Variants in SLC18A1 observed in about 807,000 individuals in gnomAD.
SLC18A1 encodes chromaffin granule amine transporter.
In SLC18A1, 69 loss-of-function variants were observed where a neutral mutation model predicts 53.7. That is an observed-to-expected ratio of 1.28 (90% confidence interval 1.06 to 1.57). The LOEUF is 1.57. SLC18A1 is among the 40% of genes most tolerant of loss of function. The probability of loss-of-function intolerance (pLI) is 0.00; values close to 1 mark genes in which losing one functional copy is unlikely to be tolerated. For missense variants in SLC18A1, 932 were observed against 668.1 expected, an observed-to-expected ratio of 1.40 and a Z score of -4.35; for synonymous variants, 320 against 248.1, an observed-to-expected ratio of 1.29 and a Z score of -2.72.
intron 5 of SLC18A1, among the ~76,000 whole-genome samples, chr8:20,174,087 G>T (rs142880863): frequency 2.0e-5 from 3 of 151,612 alleles, no homozygotes; most frequent in African/African-American, 7.3e-5. Flanking sequence ...TTTTTTAATA[G>T]AAATAGGGCT....
intron 8 of SLC18A1, among the ~76,000 whole-genome samples, chr8:20,170,213 C>T (rs2072076685): frequency 6.6e-6 from 1 of 150,752 alleles, no homozygotes; most frequent in Non-Finnish European, 1.5e-5. Context: ...CTCCTAGTTG[C>T]TCTGGGGGAA....
Position 20,164,899 on chromosome 8 carries a change from G to T in SLC18A1, c.985C>A (p.Gln329Lys). The change falls in exon 10 of 16, where the codon CAG becomes AAG. Residue 329 changes from glutamine to lysine, a missense_variant. Physicochemically the swap from Gln to Lys is moderately conservative, Grantham distance 53. Transcript: ENST00000276373. Reference protein sequence around the residue: ...LEPTLPIWMMQTMCSPKWQLG... With the variant: ...LEPTLPIWMMKTMCSPKWQLG... ...TGCCACTTGGGGGAGCACATGGTCT[G>T]CATCATCCAGATGGGCAGTGTGGGC... 1 of 1,613,644 alleles carries T rather than the reference G, an allele frequency of 6.2e-7. No individual in the cohort carries two copies. Among genetic ancestry groups the T allele is most frequent in the Non-Finnish European group, 8.5e-7 (1 of 1,179,608 alleles).
At chr8:20,149,644 C>A (rs745528327) in intron 12 of SLC18A1, 32 bp downstream of exon 12, 1 of 1,581,684 alleles carries the variant, frequency 6.3e-7, no homozygotes, top group Non-Finnish European at 8.7e-7. Flanking sequence ...CTCTCTCTCT[C>A]CTTCCCCTCC....
intron 10 of SLC18A1, among the ~76,000 whole-genome samples, chr8:20,160,748 A>T (rs567523131): frequency 1.3e-5 from 2 of 152,256 alleles, no homozygotes; most frequent in East Asian, 3.9e-4. Context: ...AAGAAAAAAG[A>T]TGTATTTGGA....
chr8:20,159,309 A>T (rs562065149), intron 10 of SLC18A1, among the ~76,000 whole-genome samples: 3 of 152,294 alleles, frequency 2.0e-5, no homozygotes, highest in African/African-American at 7.2e-5. Flanking sequence ...GGGTACTAAC[A>T]GACAGGACTA....
chr8:20,146,118 T>C (rs1338386841), intron 15 of SLC18A1, among the ~76,000 whole-genome samples: 1 of 152,086 alleles, frequency 6.6e-6, no homozygotes. Context: ...GGTTTCACCA[T>C]GTTAGCCAGA....
At chr8:20,181,312 A>G (rs931856930) in intron 1 of SLC18A1, among the ~76,000 whole-genome samples, 1 of 152,198 alleles carries the variant, frequency 6.6e-6, no homozygotes, top group African/African-American at 2.4e-5. Flanking sequence ...ATAAAAATAG[A>G]TGCTCTACAG....
At chr8:20,159,923 C>T (rs1389633532) in intron 10 of SLC18A1, among the ~76,000 whole-genome samples, 1 of 152,104 alleles carries the variant, frequency 6.6e-6, no homozygotes, top group East Asian at 1.9e-4. Context: ...CGTGGTAGCA[C>T]AGATGGCTCT....
In SLC18A1 at chr8:20,154,884, C is replaced by T. The variant is rs545670156; in HGVS notation, c.1016-4140G>A. On this transcript the variant is annotated intron_variant, in intron 10 of 15. Transcript: ENST00000276373. ...ATCACAGACCCACCATTGACTTCCA[C>T]CCCTCCAGATCTGGCAGGGTGTCCA... Among the ~76,000 whole-genome samples, 53 of 152,312 alleles carry T rather than the reference C, an allele frequency of 3.5e-4. 1 individual carries two copies. In the South Asian group the frequency reaches 6.0e-3, roughly 17 times the overall value.
chr8:20,171,681 A>G (rs2072121023), intron 6 of SLC18A1, among the ~76,000 whole-genome samples, 187 bp from the exon 7 acceptor site: 1 of 147,106 alleles, frequency 6.8e-6, no homozygotes, highest in African/African-American at 2.5e-5. Flanking sequence ...TAGTGGAGGA[A>G]GTGTGTGTGT....
At chr8:20,148,554 C>T (rs1009686537) in intron 12 of SLC18A1, 1 of 1,032,218 alleles carries the variant, frequency 9.7e-7, no homozygotes, top group East Asian at 5.9e-5. Context: ...GCCCCAACAA[C>T]CAGTTAGCTG....
intron 8 of SLC18A1, among the ~76,000 whole-genome samples, chr8:20,167,106 T>C (rs1322405140): frequency 1.4e-5 from 2 of 146,812 alleles, no homozygotes; most frequent in Non-Finnish European, 3.0e-5. Flanking sequence ...TTAGCCAGAA[T>C]GGAGAAAAAA....
intron 10 of SLC18A1, among the ~76,000 whole-genome samples, chr8:20,156,230 C>G (rs1393863153): frequency 6.7e-6 from 1 of 149,912 alleles, no homozygotes; most frequent in Admixed American, 6.6e-5. Context: ...TGTGAGCACA[C>G]CTCACCAGTT....
intron 10 of SLC18A1, among the ~76,000 whole-genome samples, chr8:20,153,145 T>C (rs1203087849): frequency 6.6e-6 from 1 of 152,190 alleles, no homozygotes; most frequent in Non-Finnish European, 1.5e-5. Context: ...TAGAGAAAGA[T>C]TGTTGGACAA....
chr8:20,179,045 T>C, intron 3 of SLC18A1, 76 bp downstream of exon 3: 1 of 1,508,008 alleles, frequency 6.6e-7, no homozygotes, highest in Non-Finnish European at 8.9e-7. Flanking sequence ...TCTTTTTCCC[T>C]TCCAACCCCC....
At chr8:20,181,314 G>A (rs1370418068) in intron 1 of SLC18A1, among the ~76,000 whole-genome samples, 1 of 152,130 alleles carries the variant, frequency 6.6e-6, no homozygotes, top group Non-Finnish European at 1.5e-5. Context: ...AAAAATAGAT[G>A]CTCTACAGAT....
rs112531759 is a variant in SLC18A1 at position 20,180,108 on chromosome 8, T to TTGTGTGTGTGTGTGTGTG, written c.125-642_125-625dup. Among the ~76,000 whole-genome samples the TTGTGTGTGTGTGTGTGTG allele has an allele frequency of 4.0e-3, 578 of 146,168 alleles. 4 individuals carry two copies. Among genetic ancestry groups the TTGTGTGTGTGTGTGTGTG allele is most frequent in the African/African-American group, 0.014 (550 of 39,270 alleles). Reference sequence around the variant, plus strand: ...CGATGTTTAAGATTTAAGATTATAATTGTGTGTGTGTGTGTGTGTGTGTGT... The same window carrying TTGTGTGTGTGTGTGTGTG: ...CGATGTTTAAGATTTAAGATTATAATTGTGTGTGTGTGTGTGTGTGTGTGTGTGTGTGTGTGTGTGTGT... On this transcript the variant is annotated intron_variant, in intron 2 of 15. Transcript: ENST00000276373.
intron 10 of SLC18A1, among the ~76,000 whole-genome samples, chr8:20,152,553 G>A (rs1251251416): frequency 6.6e-6 from 1 of 152,110 alleles, no homozygotes; most frequent in Non-Finnish European, 1.5e-5. Flanking sequence ...CTAGGTTTTT[G>A]TCTTAATCGA....
At chr8:20,156,638 T>C (rs2071689052) in intron 10 of SLC18A1, among the ~76,000 whole-genome samples, 2 of 152,218 alleles carry the variant, frequency 1.3e-5, no homozygotes, top group Admixed American at 1.3e-4. Context: ...GCCCATCTTT[T>C]TCTCCTTGCT....
Sources: allele counts gnomAD v4.1 joint callset (sites outside exome capture counted in the v4.1 genomes callset), GRCh38; gene constraint gnomAD v4.1.1; transcripts MANE v1.5; gene names NCBI Gene and HGNC (gene_info 2026-07-23, HGNC 2026-07-21).